Variants in ADGRD1 observed in about 807,000 individuals in gnomAD.
ADGRD1 encodes the protein G-protein coupled receptor 133.
A neutral mutation model predicts 113.4 loss-of-function variants in ADGRD1; 77 were observed. The observed-to-expected ratio is 0.68, with a 90% confidence interval of 0.57 to 0.82. ADGRD1 has a LOEUF of 0.82. Ranked by LOEUF, ADGRD1 falls within the 40% of genes least tolerant of loss-of-function variation. The probability of loss-of-function intolerance (pLI) is 0.00; values close to 1 mark genes in which losing one functional copy is unlikely to be tolerated. For missense variants in ADGRD1, 1,036 were observed against 1,139.1 expected, an observed-to-expected ratio of 0.91 and a Z score of 1.30; for synonymous variants, 474 against 475.0, an observed-to-expected ratio of 1.00 and a Z score of 0.03.
intron 15 of ADGRD1, among the ~76,000 whole-genome samples, chr12:131,095,005 C>T (rs958719511): frequency 6.6e-6 from 1 of 152,072 alleles, no homozygotes; most frequent in Non-Finnish European, 1.5e-5. Flanking sequence ...GAGACGCCCC[C>T]TCTCAGCCCC....
intron 13 of ADGRD1, chr12:131,070,109 A>T (rs896851431): frequency 6.6e-6 from 1 of 152,194 alleles, no homozygotes; most frequent in African/African-American, 2.4e-5. Flanking sequence ...CCAGAGAGAA[A>T]ATGCTCCCTC....
At chr12:130,969,069 G>A (rs544556202) in intron 3 of ADGRD1, 6 of 1,484,224 alleles carry the variant, frequency 4.0e-6, no homozygotes, top group East Asian at 4.9e-5. Context: ...CTCTGCAACT[G>A]TAGGTGAGCA....
intron 21 of ADGRD1, among the ~76,000 whole-genome samples, chr12:131,133,717 A>T (rs1454167147): frequency 1.3e-5 from 2 of 152,154 alleles, no homozygotes; most frequent in Admixed American, 1.3e-4. Context: ...CCCCTCAGGG[A>T]TGCTTCCTCA....
rs1344237667 is a variant in ADGRD1 at position 131,136,972 on chromosome 12, G to C, written c.2395-1G>C. 6.2e-7 allele frequency: 1 copy of C among 1,610,332 alleles called. No individual in the cohort carries two copies. The highest frequency in any genetic ancestry group is 2.2e-5 in the East Asian group (1 of 44,842). On this transcript the variant is annotated splice_acceptor_variant, in intron 22 of 24. Transcript: ENST00000261654. LOFTEE classifies it high-confidence loss of function. ...TCTGCGTTTCTTCCCTTTCTTCCCA[G>C]GGACTGTTCATATTCCTCTTTCATT...
Position 131,003,589 on chromosome 12 carries a change from C to G in ADGRD1, c.1144+287C>G, listed in dbSNP as rs1593336904. Among the ~76,000 whole-genome samples the G allele has an allele frequency of 2.0e-5, 3 of 152,176 alleles. No homozygotes were observed. Among genetic ancestry groups the G allele is most frequent in the Non-Finnish European group, 4.4e-5 (3 of 68,038 alleles). On this transcript the variant is annotated intron_variant, in intron 10 of 24. Coordinates refer to ENST00000261654, the MANE Select transcript of ADGRD1 (RefSeq NM_198827.5). This position sits in a 1 kb window ranked among gnomAD's most constrained non-coding sequence, Gnocchi z 4.8. ...AGAGCAGGAGGCAGAAGCAGCAGTGCCTGCAAGAGTCTGTGGAATAAAAGG... is the reference window on the plus strand; with the variant it reads ...AGAGCAGGAGGCAGAAGCAGCAGTGGCTGCAAGAGTCTGTGGAATAAAAGG...
intron 15 of ADGRD1, among the ~76,000 whole-genome samples, chr12:131,094,288 G>A (rs1412251507): frequency 6.6e-6 from 1 of 152,188 alleles, no homozygotes; most frequent in African/African-American, 2.4e-5. Context: ...GGAGTGGGGT[G>A]GGGTGGAGCA....
intron 7 of ADGRD1, 84 bp downstream of exon 7, chr12:130,991,162 G>C: frequency 9.2e-7 from 1 of 1,086,080 alleles, no homozygotes; most frequent in Admixed American, 1.8e-5. Flanking sequence ...ATTCCATTAG[G>C]TGTCTGGGCT....
At chr12:131,130,139 G>T (rs1415915010) in intron 20 of ADGRD1, among the ~76,000 whole-genome samples, 1 of 152,238 alleles carries the variant, frequency 6.6e-6, no homozygotes, top group South Asian at 2.1e-4. Flanking sequence ...GAGGTTGGCT[G>T]GGGGGCATCA....
At chr12:130,974,580 C>A (rs1453791396) in intron 4 of ADGRD1, among the ~76,000 whole-genome samples, 3 of 152,184 alleles carry the variant, frequency 2.0e-5, no homozygotes, top group Non-Finnish European at 4.4e-5. Flanking sequence ...AACTTATAAC[C>A]TGTTATTCTT....
intron 16 of ADGRD1, among the ~76,000 whole-genome samples, 191 bp from the exon 17 acceptor site, chr12:131,105,563 G>C (rs1409152726): frequency 6.6e-6 from 1 of 152,196 alleles, no homozygotes; most frequent in East Asian, 1.9e-4. Context: ...AGGGCTGTGT[G>C]GGCATGGAAG....
chr12:131,116,535 C>T (rs1950467888), intron 18 of ADGRD1, among the ~76,000 whole-genome samples: 1 of 152,248 alleles, frequency 6.6e-6, no homozygotes, highest in Non-Finnish European at 1.5e-5. Flanking sequence ...GGGCTGCGGC[C>T]TGGAGGCGGT....
chr12:131,131,801 A>T lies in ADGRD1; in HGVS notation c.2252A>T (p.Asp751Val), dbSNP rs1012982862. The change falls in exon 21 of 25, where the codon GAC (aspartate) becomes GTC (valine). Residue 751 changes from aspartate to valine, a missense_variant. Transcript: ENST00000261654. Reference protein sequence around the residue: ...ISADNYKIHGDPSAFKLTAKA... With the variant: ...ISADNYKIHGVPSAFKLTAKA... ...GCCGACAACTACAAGATCCATGGAG[A>T]CCCCAGTGCCTTCAAGTAAGTTGAC... 2 of 1,611,056 alleles carry T rather than the reference A, an allele frequency of 1.2e-6. No individual in the cohort carries two copies. The highest frequency in any genetic ancestry group is 1.7e-6 in the Non-Finnish European group (2 of 1,177,436).
At chr12:131,102,192 A>G (rs141404823) in intron 15 of ADGRD1, among the ~76,000 whole-genome samples, 16 of 152,312 alleles carry the variant, frequency 1.1e-4, no homozygotes, top group African/African-American at 3.6e-4. Context: ...CGGAAACTGG[A>G]GTGTCACACA....
In ADGRD1 at chr12:131,090,436, G is replaced by A. The variant is rs140317867; in HGVS notation, c.1671+5773G>A. ...CTGCTCAGGAGCTCACATCCTCATC[G>A]TGTCCCTTCTCTCTCCGAGGTTTTC... On this transcript the variant is annotated intron_variant, in intron 15 of 24. Coordinates refer to ENST00000261654, the MANE Select transcript of ADGRD1 (RefSeq NM_198827.5). 3.4e-3 allele frequency among the ~76,000 whole-genome samples: 522 copies of A among 152,220 alleles called. 1 individual carries two copies. The highest frequency in any genetic ancestry group is 0.012 in the African/African-American group (492 of 41,534).
chr12:131,114,769 G>A (rs1441361989), intron 18 of ADGRD1, among the ~76,000 whole-genome samples: 1 of 152,102 alleles, frequency 6.6e-6, no homozygotes, highest in African/African-American at 2.4e-5. Context: ...ACCTTAAGGT[G>A]TTGTTGACTG....
At chr12:131,107,725 C>G (rs1950265317) in intron 17 of ADGRD1, among the ~76,000 whole-genome samples, 1 of 152,182 alleles carries the variant, frequency 6.6e-6, no homozygotes, top group African/African-American at 2.4e-5. Context: ...AGACACAGGG[C>G]CAGGGGTTGC....
intron 13 of ADGRD1, among the ~76,000 whole-genome samples, chr12:131,072,757 G>T (rs1323742281): frequency 6.6e-6 from 1 of 152,234 alleles, no homozygotes; most frequent in Non-Finnish European, 1.5e-5. Context: ...TCATGTTCCA[G>T]GGCCTCTGCT....
intron 8 of ADGRD1, among the ~76,000 whole-genome samples, chr12:130,996,235 T>C (rs1212075790): frequency 3.1e-5 from 4 of 127,422 alleles, no homozygotes; most frequent in African/African-American, 9.3e-5. Flanking sequence ...CCTTTCCCCC[T>C]TTCTATTCCA....
intron 15 of ADGRD1, among the ~76,000 whole-genome samples, chr12:131,101,377 CTTTTTTTTTTTT>C (rs71095334): frequency 1.1e-4 from 4 of 36,148 alleles, no homozygotes; most frequent in South Asian, 1.6e-3. Context: ...TTCTTTCTTT[CTTTTTTTTTTTT>C]TTTTTTTTTT....
Sources: allele counts gnomAD v4.1 joint callset (sites outside exome capture counted in the v4.1 genomes callset), GRCh38; gene constraint gnomAD v4.1.1; non-coding constraint Gnocchi (gnomAD v3.1); transcripts MANE v1.5; gene names NCBI Gene and HGNC (gene_info 2026-07-23, HGNC 2026-07-21).